Variants in MAF observed in about 807,000 individuals in gnomAD.
The protein encoded by MAF is transcription factor Maf.
Under a neutral mutation model 22.0 loss-of-function variants are expected in MAF, and 10 were observed. The ratio of observed to expected loss-of-function variants is 0.45; its 90% CI spans 0.28 to 0.77. The LOEUF is 0.77. MAF is among the 30% of genes least tolerant of loss of function. The pLI is 0.12. For missense variants in MAF, 544 were observed against 548.4 expected (o/e 0.99, Z 0.08); for synonymous variants, 337 against 255.8 (o/e 1.32, Z -3.03).
chr16:79,521,136 G>C, the MAF span, among the ~76,000 whole-genome samples: 1 of 152,310 alleles, frequency 6.6e-6, no homozygotes, highest in South Asian at 2.1e-4. Context: ...TTGTTGAGGA[G>C]GGCAAGGAGC....
chr16:79,313,560 A>C, the MAF span, among the ~76,000 whole-genome samples: 2 of 152,148 alleles, frequency 1.3e-5, no homozygotes, highest in South Asian at 4.2e-4. Context: ...TCTGAATCTT[A>C]AGAGTCAGTC....
chr16:79,239,033 T>G, the MAF span, among the ~76,000 whole-genome samples: 1 of 151,924 alleles, frequency 6.6e-6, no homozygotes, highest in Non-Finnish European at 1.5e-5. Flanking sequence ...TCTAAACACC[T>G]CTCTAGATCA....
the MAF span, among the ~76,000 whole-genome samples, chr16:79,386,506 G>A: frequency 6.6e-6 from 1 of 152,150 alleles, no homozygotes; most frequent in Admixed American, 6.5e-5. Context: ...AAACACAGAT[G>A]AAGCTCTGCT....
chr16:79,534,546 T>A, the MAF span, among the ~76,000 whole-genome samples: 1 of 151,506 alleles, frequency 6.6e-6, no homozygotes, highest in Non-Finnish European at 1.5e-5. Context: ...ACCACCTACC[T>A]TGGACACAGG....
At chr16:79,524,420 T>C in the MAF span, among the ~76,000 whole-genome samples, 21 of 152,316 alleles carry the variant, frequency 1.4e-4, no homozygotes, top group Admixed American at 2.0e-4. Context: ...TATCTAACCA[T>C]TAGCCTGTTG....
the MAF span, among the ~76,000 whole-genome samples, chr16:79,554,713 C>A: frequency 2.0e-5 from 3 of 152,120 alleles, no homozygotes; most frequent in African/African-American, 7.2e-5. Flanking sequence ...TCAAGATGAG[C>A]CCAGAAAAAT....
chr16:79,259,169 C>T, the MAF span, among the ~76,000 whole-genome samples: 5 of 152,200 alleles, frequency 3.3e-5, no homozygotes, highest in South Asian at 4.1e-4. Context: ...ACCAGGCCGG[C>T]TGGCTCGAAT....
chr16:79,535,747 G>A, the MAF span, among the ~76,000 whole-genome samples: 1 of 151,770 alleles, frequency 6.6e-6, no homozygotes, highest in East Asian at 2.0e-4. Flanking sequence ...ACAGGCACGT[G>A]CCACCATGCC....
intron 1 of MAF, chr16:79,594,836 T>C: frequency 1.6e-6 from 2 of 1,239,316 alleles, no homozygotes; most frequent in East Asian, 3.6e-5. Flanking sequence ...TCAAACCTCA[T>C]TTTTGCCAGC....
the MAF span, among the ~76,000 whole-genome samples, chr16:79,260,440 C>G: frequency 7.2e-6 from 1 of 138,586 alleles, no homozygotes; most frequent in Admixed American, 7.3e-5. Context: ...ATGTGAGCCA[C>G]CATGCCTGGC....
At chr16:79,413,210 G>GTTTTTTT in the MAF span, among the ~76,000 whole-genome samples, 8 of 63,642 alleles carry the variant, frequency 1.3e-4, 1 homozygote, top group Non-Finnish European at 2.4e-4. Flanking sequence ...GAGCTGTGCA[G>GTTTTTTT]TTTTTTTTTT....
the MAF span, among the ~76,000 whole-genome samples, chr16:79,575,521 G>C: frequency 1.3e-5 from 2 of 152,150 alleles, no homozygotes; most frequent in African/African-American, 4.8e-5. Context: ...CTGAGAATTG[G>C]AGCTTAGAGA....
the MAF span, among the ~76,000 whole-genome samples, chr16:79,460,823 CT>C: frequency 0.012 from 1,763 of 152,266 alleles, 39 homozygotes; most frequent in African/African-American, 0.04. Flanking sequence ...CATTTTAAAG[CT>C]TTGCTTTTTA....
At chr16:79,443,194 C>A in the MAF span, among the ~76,000 whole-genome samples, 1 of 152,138 alleles carries the variant, frequency 6.6e-6, no homozygotes, top group Non-Finnish European at 1.5e-5. Flanking sequence ...TCCAAGATGA[C>A]CCTGAAGCTG....
At chr16:79,426,687 C>T in the MAF span, among the ~76,000 whole-genome samples, 18 of 152,300 alleles carry the variant, frequency 1.2e-4, no homozygotes, top group East Asian at 1.5e-3. Context: ...GTTCCATCCT[C>T]GTGGTCACAG....
chr16:79,222,673 T>C, the MAF span, among the ~76,000 whole-genome samples: 1 of 152,042 alleles, frequency 6.6e-6, no homozygotes, highest in African/African-American at 2.4e-5. Flanking sequence ...AATAAAGAGA[T>C]ACAGGAAGAT....
chr16:79,558,916 C>G, the MAF span, among the ~76,000 whole-genome samples: 1 of 152,200 alleles, frequency 6.6e-6, no homozygotes, highest in Non-Finnish European at 1.5e-5. Context: ...TCTCTCAAGT[C>G]AAACAAATTA....
At chr16:79,325,162 G>A in the MAF span, among the ~76,000 whole-genome samples, 1,077 of 152,190 alleles carry the variant, frequency 7.1e-3, 21 homozygotes, top group African/African-American at 0.025. Flanking sequence ...ACTTTCACAG[G>A]TTCTGGGCAA....
the MAF span, among the ~76,000 whole-genome samples, chr16:79,404,164 C>CTTTTTTTTTT: frequency 8.2e-6 from 1 of 122,092 alleles, no homozygotes; most frequent in African/African-American, 3.1e-5. Context: ...TCTGGATTTT[C>CTTTTTTTTTT]TTTTTTTTTT....
Sources: allele counts gnomAD v4.1 joint callset (sites outside exome capture counted in the v4.1 genomes callset), GRCh38; gene constraint gnomAD v4.1.1; transcripts MANE v1.5; gene names NCBI Gene and HGNC (gene_info 2026-07-23, HGNC 2026-07-21).